The following PLEKHA5 variants were observed in gnomAD, a reference collection of about 807,000 sequenced individuals.
PLEKHA5 encodes the protein pleckstrin homology domain-containing family A member 5.
A neutral mutation model predicts 181.9 loss-of-function variants in PLEKHA5; 55 were observed. The observed-to-expected ratio is 0.30, with a 90% confidence interval of 0.24 to 0.38. The LOEUF (loss-of-function observed/expected upper bound fraction) is 0.38. PLEKHA5 is among the 10% of genes least tolerant of loss of function. The pLI is 1.00. For missense variants in PLEKHA5, 1,432 were observed against 1,549.5 expected (o/e 0.92, Z 1.27); for synonymous variants, 535 against 529.4 (o/e 1.01, Z -0.15).
intron 3 of PLEKHA5, among the ~76,000 whole-genome samples, chr12:19,222,864 G>A (rs1222845863): frequency 1.3e-5 from 2 of 152,196 alleles, no homozygotes; most frequent in East Asian, 3.9e-4. Flanking sequence ...ACTTCGGGGG[G>A]TAGCTGCCAG....
intron 3 of PLEKHA5, among the ~76,000 whole-genome samples, chr12:19,156,747 T>TA (rs929551003): frequency 2.0e-5 from 3 of 151,488 alleles, no homozygotes; most frequent in Non-Finnish European, 2.9e-5. Flanking sequence ...GAAATGTAGT[T>TA]AAAAAAAACT....
At chr12:19,151,063 T>G (rs910422767) in intron 3 of PLEKHA5, 8 of 152,244 alleles carry the variant, frequency 5.3e-5, no homozygotes, top group African/African-American at 1.9e-4. Context: ...TGTGCCAGGT[T>G]ATGGGTATGA....
chr12:19,149,054 GC>G (rs2039679804), intron 3 of PLEKHA5, among the ~76,000 whole-genome samples: 1 of 152,126 alleles, frequency 6.6e-6, no homozygotes, highest in Non-Finnish European at 1.5e-5. Context: ...TTTCTGACCT[GC>G]TATTTAAGCC....
intron 16 of PLEKHA5, among the ~76,000 whole-genome samples, chr12:19,318,967 T>A (rs2089925947): frequency 6.6e-6 from 1 of 152,198 alleles, no homozygotes; most frequent in Non-Finnish European, 1.5e-5. Context: ...TCTTAGTAGC[T>A]TATGACTTTT....
Position 19,132,242 on chromosome 12 carries a change from GAT to G in PLEKHA5, c.170-148_170-147del, listed in dbSNP as rs200679991. On this transcript the variant is annotated intron_variant, in intron 2 of 31. Coordinates refer to ENST00000429027, the MANE Select transcript of PLEKHA5 (RefSeq NM_001256470.2). ...TTTGAATTGCTGTTTTTCAAAAAAT[GAT>G]ATCTGTTGTATTGCCAGCTCAACAC... 1,669 of 588,600 alleles carry G rather than the reference GAT, an allele frequency of 2.8e-3. 30 individuals are homozygous for G. In the African/African-American group the frequency reaches 0.028, roughly 10 times the overall value. 36.5% of individuals were successfully genotyped at this position (588,600 alleles called of 1,614,324 possible).
At chr12:19,358,569 T>C (rs2095068802) in intron 27 of PLEKHA5, 132 bp downstream of exon 27, 3 of 620,096 alleles carry the variant, frequency 4.8e-6, no homozygotes, top group Non-Finnish European at 5.6e-6. Flanking sequence ...TTAATTCTCC[T>C]AATAATAAGC....
At chr12:19,199,960 C>T (rs2152059446) in intron 3 of PLEKHA5, among the ~76,000 whole-genome samples, 1 of 152,032 alleles carries the variant, frequency 6.6e-6, no homozygotes, top group South Asian at 2.1e-4. Flanking sequence ...TGGAGGTCGA[C>T]AGTGGAATGA....
chr12:19,310,463 A>G (rs574586647), intron 15 of PLEKHA5, among the ~76,000 whole-genome samples: 1 of 151,692 alleles, frequency 6.6e-6, no homozygotes, highest in Non-Finnish European at 1.5e-5. Context: ...TACAAAAATT[A>G]GCTGAGTGTG....
In PLEKHA5 at chr12:19,223,465, C is replaced by G. The variant is rs193115813; in HGVS notation, c.228-30475C>G. 2.9e-3 allele frequency among the ~76,000 whole-genome samples: 434 copies of G among 152,146 alleles called. 3 individuals are homozygous for G. The highest frequency in any genetic ancestry group is 9.0e-3 in the African/African-American group (375 of 41,496). On this transcript the variant is annotated intron_variant, in intron 3 of 31. Coordinates refer to ENST00000429027, the MANE Select transcript of PLEKHA5 (RefSeq NM_001256470.2). ...AACACCAGTAACTTATCTGGGAAATCTGGGACTTTCAATCCACAGCCATAC... is the reference window on the plus strand; with the variant it reads ...AACACCAGTAACTTATCTGGGAAATGTGGGACTTTCAATCCACAGCCATAC...
chr12:19,129,952 G>T (rs956856747), intron 1 of PLEKHA5, 64 bp downstream of exon 1: 4 of 1,496,246 alleles, frequency 2.7e-6, no homozygotes, highest in Non-Finnish European at 3.7e-6. Flanking sequence ...GGCGGCTGGC[G>T]ACACGGGGGA....
intron 3 of PLEKHA5, among the ~76,000 whole-genome samples, chr12:19,205,706 CT>C (rs2055291360): frequency 6.6e-6 from 1 of 152,046 alleles, no homozygotes; most frequent in Admixed American, 6.6e-5. Context: ...TTCTTGCTGA[CT>C]TGTTTTGAAT....
At chr12:19,196,622 C>G (rs1251328765) in intron 3 of PLEKHA5, among the ~76,000 whole-genome samples, 2 of 152,118 alleles carry the variant, frequency 1.3e-5, no homozygotes, top group Non-Finnish European at 2.9e-5. Flanking sequence ...CAGAGAAACC[C>G]TGTTTTACCT....
chr12:19,270,270 T>C, intron 10 of PLEKHA5, 65 bp downstream of exon 10: 1 of 864,764 alleles, frequency 1.2e-6, no homozygotes. Flanking sequence ...ATAGTGTTTT[T>C]AAGATTCTAA....
At chr12:19,236,862 C>A (rs1490106052) in intron 3 of PLEKHA5, 1 of 152,214 alleles carries the variant, frequency 6.6e-6, no homozygotes, top group Non-Finnish European at 1.5e-5. Context: ...TGGTGTCAGA[C>A]TTCCAGAGTG....
intron 10 of PLEKHA5, among the ~76,000 whole-genome samples, chr12:19,274,219 G>C (rs2073909657): frequency 6.6e-6 from 1 of 152,142 alleles, no homozygotes; most frequent in Non-Finnish European, 1.5e-5. Context: ...TGGTTTAACT[G>C]TCATAAGGCA....
chr12:19,252,167 A>AG (rs1176360308), intron 3 of PLEKHA5, among the ~76,000 whole-genome samples: 1 of 152,174 alleles, frequency 6.6e-6, no homozygotes, highest in Non-Finnish European at 1.5e-5. Flanking sequence ...TAATGGATAA[A>AG]GCTTCAGAGT....
chr12:19,330,795 A>G (rs1403152302), intron 20 of PLEKHA5, among the ~76,000 whole-genome samples: 2 of 152,144 alleles, frequency 1.3e-5, no homozygotes, highest in African/African-American at 4.8e-5. Flanking sequence ...TTTTTGCCTG[A>G]TCCTCGAAAT....
intron 25 of PLEKHA5, among the ~76,000 whole-genome samples, chr12:19,349,534 A>AT (rs1486031307): frequency 6.6e-6 from 1 of 152,166 alleles, no homozygotes; most frequent in East Asian, 1.9e-4. Context: ...GTATACTCTG[A>AT]TTTTTTTCTT....
At chr12:19,204,358 C>T (rs1366205450) in intron 3 of PLEKHA5, among the ~76,000 whole-genome samples, 1 of 152,000 alleles carries the variant, frequency 6.6e-6, no homozygotes, top group African/African-American at 2.4e-5. Flanking sequence ...TGCTCATCTA[C>T]CCAAGGTGAA....
Sources: allele counts gnomAD v4.1 joint callset (sites outside exome capture counted in the v4.1 genomes callset), GRCh38; gene constraint gnomAD v4.1.1; transcripts MANE v1.5; gene names NCBI Gene and HGNC (gene_info 2026-07-23, HGNC 2026-07-21).